NCAM2: variants seen among roughly 807,000 people sequenced by gnomAD.
NCAM2 encodes the protein neural cell adhesion molecule 2.
In NCAM2, 30 loss-of-function variants were observed where a neutral mutation model predicts 98.1. The observed-to-expected ratio is 0.31, with a 90% CI of 0.23 to 0.41. The LOEUF is 0.41. Among genes scored for constraint, NCAM2 ranks in the 10% least tolerant of loss-of-function variants. NCAM2 has a pLI of 1.00. For missense variants in NCAM2, 867 were observed against 1,005.8 expected, an observed-to-expected ratio of 0.86 and a Z score of 1.87; for synonymous variants, 368 against 342.4, an observed-to-expected ratio of 1.07 and a Z score of -0.83.
At position 21,339,111 on chromosome 21, in the gene NCAM2, T is replaced by A. The variant is rs564805373; in HGVS notation, c.1044+577T>A. 9.2e-5 allele frequency among the ~76,000 whole-genome samples: 14 copies of A among 152,232 alleles called. No individual in the cohort carries two copies. The South Asian group carries it at 2.3e-3, about 25-fold the overall frequency. On this transcript the variant is annotated intron_variant, in intron 8 of 17. Transcript: ENST00000400546. Reference sequence around the variant, plus strand: ...TTAGACAGGTGTCAACAAACTACAGTCCATAGGGCAAATTTGGCTTCCAGC... The same window carrying A: ...TTAGACAGGTGTCAACAAACTACAGACCATAGGGCAAATTTGGCTTCCAGC...
At chr21:21,423,777 T>C (rs1182997541) in intron 11 of NCAM2, among the ~76,000 whole-genome samples, 1 of 152,080 alleles carries the variant, frequency 6.6e-6, no homozygotes, top group Non-Finnish European at 1.5e-5. Context: ...AATTCAATAT[T>C]TTAGCTCTTT....
intron 1 of NCAM2, among the ~76,000 whole-genome samples, chr21:21,047,511 A>C (rs2065026401): frequency 6.6e-6 from 1 of 152,218 alleles, no homozygotes; most frequent in South Asian, 2.1e-4. Context: ...AAAGTATTCA[A>C]CTTGATGAGA....
chr21:21,212,795 T>C (rs907251223), intron 1 of NCAM2, among the ~76,000 whole-genome samples: 1 of 145,072 alleles, frequency 6.9e-6, no homozygotes, highest in South Asian at 2.2e-4. Context: ...CAGGCTGGAG[T>C]GCAGTGGCAT....
At chr21:21,403,506 T>C (rs969108888) in intron 9 of NCAM2, among the ~76,000 whole-genome samples, 4 of 152,202 alleles carry the variant, frequency 2.6e-5, no homozygotes, top group Non-Finnish European at 5.9e-5. Context: ...AAACTCTCAA[T>C]GTGCCAGTTA....
At chr21:21,405,590 A>ACATTTT (rs1286476672) in intron 9 of NCAM2, among the ~76,000 whole-genome samples, 1 of 152,164 alleles carries the variant, frequency 6.6e-6, no homozygotes, top group Non-Finnish European at 1.5e-5. Flanking sequence ...ATGTCAAATG[A>ACATTTT]CATTTTCCAT....
chr21:21,232,005 G>T (rs2070646648), intron 1 of NCAM2, among the ~76,000 whole-genome samples: 1 of 151,336 alleles, frequency 6.6e-6, no homozygotes, highest in African/African-American at 2.4e-5. Context: ...AGTCGTGTCA[G>T]TTTTTTAGCT....
intron 1 of NCAM2, among the ~76,000 whole-genome samples, chr21:21,071,631 G>A (rs1051392220): frequency 3.3e-5 from 5 of 152,168 alleles, no homozygotes; most frequent in Non-Finnish European, 7.4e-5. Flanking sequence ...AAAGTTAGAA[G>A]TGAAAATAAT....
At chr21:21,097,508 A>G (rs1013827613) in intron 1 of NCAM2, among the ~76,000 whole-genome samples, 3 of 151,768 alleles carry the variant, frequency 2.0e-5, no homozygotes, top group Admixed American at 6.6e-5. Flanking sequence ...TAACAGAGAT[A>G]CATTTTTTAT....
rs1416165093 is a variant in NCAM2 at position 21,492,177 on chromosome 21, G to A, written c.2077+14706G>A. ...AACTGAGGATCAGAAAAACCAAATA[G>A]TCATTGATATAGTCAAGCAACTTTG... On this transcript the variant is annotated intron_variant, in intron 15 of 17. Transcript: ENST00000400546. Among the ~76,000 whole-genome samples the A allele has an allele frequency of 2.7e-4, 41 of 151,750 alleles. 1 individual carries two copies. The highest frequency in any genetic ancestry group is 2.7e-3 in the Admixed American group (41 of 15,210).
At chr21:21,193,898 A>C (rs547007633) in intron 1 of NCAM2, among the ~76,000 whole-genome samples, 196 of 152,176 alleles carry the variant, frequency 1.3e-3, no homozygotes, top group Non-Finnish European at 2.1e-3. Context: ...TATAACTGTT[A>C]CAATTAAATA....
chr21:21,055,627 A>T (rs1006254011), intron 1 of NCAM2, among the ~76,000 whole-genome samples: 1 of 152,082 alleles, frequency 6.6e-6, no homozygotes, highest in African/African-American at 2.4e-5. Context: ...GTAAAAACTA[A>T]AGCTCATCTC....
At chr21:21,272,487 TACACACACATGCGCGCGCGCGCACACAC>T (rs1363399039) in intron 1 of NCAM2, among the ~76,000 whole-genome samples, 1 of 128,576 alleles carries the variant, frequency 7.8e-6, no homozygotes, top group African/African-American at 3.0e-5. Flanking sequence ...CACGCACACA[TACACACACATGCGCGCGCGCGCACACAC>T]ACACACACAC....
chr21:21,483,946 A>C (rs1252186845), intron 15 of NCAM2, among the ~76,000 whole-genome samples: 1 of 152,150 alleles, frequency 6.6e-6, no homozygotes, highest in Non-Finnish European at 1.5e-5. Flanking sequence ...CTTGTTTATT[A>C]TTAAAATAGA....
chr21:21,488,599 A>T (rs1986589580), intron 15 of NCAM2, among the ~76,000 whole-genome samples: 1 of 151,980 alleles, frequency 6.6e-6, no homozygotes, highest in Admixed American at 6.6e-5. Flanking sequence ...CAATAATACA[A>T]TATATTTGGG....
At chr21:21,350,791 G>A (rs1347638645) in intron 8 of NCAM2, among the ~76,000 whole-genome samples, 3 of 152,084 alleles carry the variant, frequency 2.0e-5, no homozygotes, top group African/African-American at 7.2e-5. Flanking sequence ...CCTTAGAAAT[G>A]TTTTCTAATA....
chr21:21,372,101 AT>A (rs2075931467), intron 8 of NCAM2, among the ~76,000 whole-genome samples: 1 of 151,880 alleles, frequency 6.6e-6, no homozygotes, highest in Non-Finnish European at 1.5e-5. Context: ...GCCACAAAAA[AT>A]AACCTATAAA....
chr21:21,128,635 T>C (rs2066875511), intron 1 of NCAM2, among the ~76,000 whole-genome samples: 1 of 152,180 alleles, frequency 6.6e-6, no homozygotes, highest in South Asian at 2.1e-4. Flanking sequence ...TCTGTGTAAG[T>C]CATTTAATTT....
chr21:21,212,257 T>C (rs1307326676), intron 1 of NCAM2, among the ~76,000 whole-genome samples: 4 of 152,222 alleles, frequency 2.6e-5, no homozygotes, highest in Non-Finnish European at 4.4e-5. Flanking sequence ...ACAATTTGGA[T>C]GAATTTTCCA....
chr21:21,396,382 G>A (rs1602213216), intron 9 of NCAM2, among the ~76,000 whole-genome samples: 1 of 152,184 alleles, frequency 6.6e-6, no homozygotes, highest in African/African-American at 2.4e-5. Context: ...CATGGTGAAA[G>A]TGGAACACTT....
Sources: allele counts gnomAD v4.1 joint callset (sites outside exome capture counted in the v4.1 genomes callset), GRCh38; gene constraint gnomAD v4.1.1; transcripts MANE v1.5; gene names NCBI Gene and HGNC (gene_info 2026-07-23, HGNC 2026-07-21).